Variants in MCTP1 observed in about 807,000 individuals in gnomAD.
The protein encoded by MCTP1 is multiple C2 and transmembrane domain-containing protein 1.
In MCTP1, 69 loss-of-function variants were observed where a neutral mutation model predicts 120.6. That is an observed-to-expected ratio of 0.57 (90% confidence interval 0.47 to 0.70). The LOEUF is 0.70. Among genes scored for constraint, MCTP1 ranks in the 30% least tolerant of loss-of-function variants. The pLI, the probability that MCTP1 is intolerant of heterozygous loss-of-function variation, is 0.00. For synonymous variants in MCTP1, 529 were observed against 493.1 expected (o/e 1.07, Z -0.96); for missense variants, 1,203 against 1,248.8 (o/e 0.96, Z 0.55).
chr5:94,878,117 C>T (rs929934473), intron 12 of MCTP1, among the ~76,000 whole-genome samples: 1 of 152,164 alleles, frequency 6.6e-6, no homozygotes, highest in Non-Finnish European at 1.5e-5. Context: ...ATATTTTAAT[C>T]CTTTAAAAAA....
intron 17 of MCTP1, among the ~76,000 whole-genome samples, chr5:94,845,082 A>T (rs1452321270): frequency 6.6e-5 from 10 of 152,254 alleles, no homozygotes. Flanking sequence ...TATATCTGAC[A>T]AAAGATCGAA....
intron 18 of MCTP1, among the ~76,000 whole-genome samples, chr5:94,795,992 A>G (rs751663161): frequency 6.6e-6 from 1 of 152,238 alleles, no homozygotes; most frequent in Admixed American, 6.5e-5. Flanking sequence ...AAGGTCTCCA[A>G]GAAAGGAAAG....
At chr5:95,008,713 G>T (rs1488522330) in intron 2 of MCTP1, among the ~76,000 whole-genome samples, 1 of 152,052 alleles carries the variant, frequency 6.6e-6, no homozygotes. Context: ...TTAGAGTGGG[G>T]CCTAAATCTA....
At chr5:94,889,158 C>A (rs987706357) in intron 11 of MCTP1, among the ~76,000 whole-genome samples, 186 bp from the exon 12 acceptor site, 1 of 151,842 alleles carries the variant, frequency 6.6e-6, no homozygotes, top group Non-Finnish European at 1.5e-5. Context: ...CATGTGCTAG[C>A]TGAGGATTAA....
At chr5:94,803,544 A>G (rs1002901156) in intron 17 of MCTP1, among the ~76,000 whole-genome samples, 2 of 152,208 alleles carry the variant, frequency 1.3e-5, no homozygotes, top group African/African-American at 4.8e-5. Flanking sequence ...GGCAGATTTG[A>G]GAAGCAATTA....
intron 17 of MCTP1, among the ~76,000 whole-genome samples, chr5:94,864,115 C>T (rs969699528): frequency 1.3e-5 from 2 of 151,864 alleles, no homozygotes; most frequent in Non-Finnish European, 2.9e-5. Context: ...AAAAGGAACA[C>T]ATGAATACCA....
At chr5:94,817,369 C>T (rs1784675941) in intron 17 of MCTP1, among the ~76,000 whole-genome samples, 1 of 152,130 alleles carries the variant, frequency 6.6e-6, no homozygotes, top group Non-Finnish European at 1.5e-5. Flanking sequence ...GATCGCGCCA[C>T]TGCTCTCCAA....
At position 95,158,019 on chromosome 5, in the gene MCTP1, T is replaced by C. The variant is rs180890416; in HGVS notation, c.720+125837A>G. 3.3e-5 allele frequency among the ~76,000 whole-genome samples: 5 copies of C among 152,364 alleles called. No homozygotes were observed. The East Asian group carries it at 7.7e-4, about 23-fold the overall frequency. ...GTGTTTAGTGCAAGTCTACATCTAC[T>C]ATACCTATAATACCTAGAACAAATC... On this transcript the variant is annotated intron_variant, in intron 1 of 22. Coordinates refer to ENST00000515393, the MANE Select transcript of MCTP1 (RefSeq NM_024717.7).
chr5:94,800,431 C>G (rs1273520176), intron 17 of MCTP1, among the ~76,000 whole-genome samples: 3 of 152,170 alleles, frequency 2.0e-5, no homozygotes, highest in African/African-American at 7.2e-5. Flanking sequence ...GGACACCCGT[C>G]TCAGGCACAG....
At chr5:95,156,229 A>T (rs749675050) in intron 1 of MCTP1, among the ~76,000 whole-genome samples, 26 of 152,314 alleles carry the variant, frequency 1.7e-4, no homozygotes, top group Non-Finnish European at 3.1e-4. Context: ...AGACCCACGG[A>T]GACTGAGATA....
At chr5:94,769,525 T>C (rs1773589775) in intron 19 of MCTP1, among the ~76,000 whole-genome samples, 1 of 151,926 alleles carries the variant, frequency 6.6e-6, no homozygotes, top group African/African-American at 2.4e-5. Context: ...CCCCATGAGG[T>C]TTTCATATCT....
intron 12 of MCTP1, among the ~76,000 whole-genome samples, chr5:94,883,689 A>T (rs1800617643): frequency 6.6e-6 from 1 of 152,230 alleles, no homozygotes; most frequent in South Asian, 2.1e-4. Flanking sequence ...TTTATCAGAC[A>T]TCGTTGATTT....
intron 1 of MCTP1, among the ~76,000 whole-genome samples, chr5:95,226,977 C>T (rs1754348756): frequency 1.3e-5 from 2 of 152,138 alleles, no homozygotes; most frequent in Admixed American, 1.3e-4. Context: ...AGATTACATT[C>T]CATACAGAGA....
intron 10 of MCTP1, among the ~76,000 whole-genome samples, chr5:94,903,764 TAAAC>T (rs1806115746): frequency 6.6e-6 from 1 of 152,192 alleles, no homozygotes; most frequent in South Asian, 2.1e-4. Context: ...ACTTTAAAGA[TAAAC>T]AAGCATTTGG....
intron 6 of MCTP1, among the ~76,000 whole-genome samples, chr5:94,926,165 A>G (rs1398926575): frequency 2.0e-5 from 3 of 152,238 alleles, no homozygotes; most frequent in African/African-American, 7.2e-5. Flanking sequence ...ACAAGCTTTT[A>G]TTAAAAGTGA....
chr5:94,975,307 G>T (rs537147738), intron 2 of MCTP1, among the ~76,000 whole-genome samples: 54 of 152,142 alleles, frequency 3.5e-4, no homozygotes, highest in Admixed American at 1.4e-3. Flanking sequence ...AAAGACTTCA[G>T]GAGGCGATTA....
At chr5:94,910,138 ATG>A (rs996982175) in intron 9 of MCTP1, among the ~76,000 whole-genome samples, 11 of 133,384 alleles carry the variant, frequency 8.2e-5, no homozygotes, top group Admixed American at 2.3e-4. Context: ...ACATGTATAT[ATG>A]TATGAGTATA....
At chr5:94,871,457 G>A (rs1357042732) in intron 13 of MCTP1, 40 bp from the exon 14 acceptor site, 1 of 1,370,164 alleles carries the variant, frequency 7.3e-7, no homozygotes, top group Non-Finnish European at 1.0e-6. Flanking sequence ...GATTTCATCA[G>A]TAGGAAACAA....
intron 1 of MCTP1, among the ~76,000 whole-genome samples, chr5:95,037,649 TG>T (rs1487874215): frequency 6.6e-6 from 1 of 152,144 alleles, no homozygotes; most frequent in Non-Finnish European, 1.5e-5. Context: ...GTGGATCACT[TG>T]ATGTCAGGAG....
Sources: allele counts gnomAD v4.1 joint callset (sites outside exome capture counted in the v4.1 genomes callset), GRCh38; gene constraint gnomAD v4.1.1; transcripts MANE v1.5; gene names NCBI Gene and HGNC (gene_info 2026-07-23, HGNC 2026-07-21).